The following EDNRB variants were observed in gnomAD, a reference collection of about 807,000 sequenced individuals.
The protein encoded by EDNRB is Hirschsprung disease 2.
In EDNRB, 18 loss-of-function variants were observed where a neutral mutation model predicts 46.4. The ratio of observed to expected loss-of-function variants is 0.39; its 90% CI spans 0.27 to 0.57. EDNRB has a LOEUF of 0.57. Among genes scored for constraint, EDNRB ranks in the 20% least tolerant of loss-of-function variants. EDNRB has a pLI of 0.61. For missense variants in EDNRB, 434 were observed against 537.5 expected (o/e 0.81, Z 1.90); for synonymous variants, 213 against 204.9 (o/e 1.04, Z -0.34).
At chr13:77,948,915 T>A (rs578223970) in intron 1 of EDNRB, among the ~76,000 whole-genome samples, 85 of 152,202 alleles carry the variant, frequency 5.6e-4, no homozygotes, top group Non-Finnish European at 1.2e-3. Context: ...AAAAGATTGC[T>A]GCACTGCTTT....
chr13:77,902,446 C>T (rs1326081405), intron 3 of EDNRB, among the ~76,000 whole-genome samples: 1 of 151,902 alleles, frequency 6.6e-6, no homozygotes, highest in African/African-American at 2.4e-5. Flanking sequence ...GCCTCTATCA[C>T]CTGCTCTTTC....
chr13:77,896,856 T>C lies in EDNRB; in HGVS notation c.*1344A>G. ...ATCCTAAGGCACTTTGCTTAGAAGA[T>C]ATAAAAATTAGGCAGGAACGCACAA... On this transcript the variant is annotated 3_prime_UTR_variant, in exon 7 of 7. Transcript: ENST00000646607. 9.6e-7 allele frequency: 1 copy of C among 1,041,342 alleles called. No individual in the cohort carries two copies. The highest frequency in any genetic ancestry group is 1.2e-6 in the Non-Finnish European group (1 of 867,246). 64.5% of individuals were successfully genotyped at this position (1,041,342 alleles called of 1,614,324 possible).
At chr13:77,899,993 T>C in intron 5 of EDNRB, 26 bp from the exon 6 acceptor site, 2 of 1,588,506 alleles carry the variant, frequency 1.3e-6, no homozygotes, top group South Asian at 2.2e-5. Context: ...CCAAAATGTG[T>C]CTGAAAAATA....
intron 1 of EDNRB, among the ~76,000 whole-genome samples, chr13:77,931,692 T>A (rs571825010): frequency 4.0e-5 from 6 of 151,066 alleles, no homozygotes; most frequent in African/African-American, 1.5e-4. Flanking sequence ...CCAGCCTTTT[T>A]TGAGTCTCAG....
chr13:77,933,394 G>T (rs1025801487), intron 1 of EDNRB, among the ~76,000 whole-genome samples: 6 of 152,150 alleles, frequency 3.9e-5, no homozygotes, highest in Non-Finnish European at 8.8e-5. Flanking sequence ...GTCAAAGGGG[G>T]GTTGTTCTCT....
At chr13:77,970,739 A>G (rs1881705142) in intron 1 of EDNRB, among the ~76,000 whole-genome samples, 1 of 151,524 alleles carries the variant, frequency 6.6e-6, no homozygotes, top group Non-Finnish European at 1.5e-5. Flanking sequence ...CCTGGGCTAC[A>G]TACCTTATAT....
intron 3 of EDNRB, among the ~76,000 whole-genome samples, chr13:77,902,008 T>C (rs777295779): frequency 6.6e-6 from 1 of 151,968 alleles, no homozygotes; most frequent in African/African-American, 2.4e-5. Context: ...ACTCATTCTG[T>C]TGGGAAGAGC....
rs780355308 is a variant in EDNRB at position 77,918,263 on chromosome 13, T to A, written c.311A>T (p.Asn104Ile). The A allele has an allele frequency of 2.2e-5, 35 of 1,614,016 alleles. No individual in the cohort carries two copies. The East Asian group carries it at 7.6e-4, about 35-fold the overall frequency. Residue 104 changes from asparagine (N) to isoleucine (I), a missense_variant, in exon 1 of 7, where the codon AAC becomes ATC. Coordinates refer to ENST00000646607, the MANE Select transcript of EDNRB (RefSeq NM_001122659.3). This position sits in a 1 kb window ranked among gnomAD's most constrained non-coding sequence, Gnocchi z 4.5. Reference protein sequence around the residue: ...IEIKETFKYINTVVSCLVFVL... With the variant: ...IEIKETFKYIITVVSCLVFVL... ...GAACACAAGGCAGGACACAACCGTG[T>A]TGATGTATTTGAAAGTCTCCTTGAT...
At chr13:77,972,109 G>A (rs942159330) in intron 1 of EDNRB, among the ~76,000 whole-genome samples, 1 of 152,216 alleles carries the variant, frequency 6.6e-6, no homozygotes, top group East Asian at 1.9e-4. Context: ...GCCCTTGGGG[G>A]CTGACCCACA....
Position 77,897,233 on chromosome 13 carries a change from C to T in EDNRB, c.*967G>A. 8.1e-6 allele frequency: 8 copies of T among 985,236 alleles called. No homozygotes were observed. Among genetic ancestry groups the T allele is most frequent in the Non-Finnish European group, 9.6e-6 (8 of 829,878 alleles). 61.0% of individuals were successfully genotyped at this position (985,236 alleles called of 1,614,324 possible). On this transcript the variant is annotated 3_prime_UTR_variant, in exon 7 of 7. Coordinates refer to ENST00000646607, the MANE Select transcript of EDNRB (RefSeq NM_001122659.3). Reference sequence around the variant, plus strand: ...AGCACAGGGCCTGCCCTCATTTAATCATCTACATGCAGTGTATGTAGGTAA... The same window carrying T: ...AGCACAGGGCCTGCCCTCATTTAATTATCTACATGCAGTGTATGTAGGTAA...
chr13:77,905,441 G>A (rs1273351909), intron 1 of EDNRB, among the ~76,000 whole-genome samples: 1 of 151,790 alleles, frequency 6.6e-6, no homozygotes, highest in Non-Finnish European at 1.5e-5. Context: ...TGACTTCTGG[G>A]TTAATCAACT....
chr13:77,950,714 G>A (rs912373171), intron 1 of EDNRB, among the ~76,000 whole-genome samples: 4 of 152,182 alleles, frequency 2.6e-5, no homozygotes, highest in African/African-American at 7.2e-5. Flanking sequence ...TTGAAGTGCA[G>A]TATTAAAGAC....
intron 1 of EDNRB, among the ~76,000 whole-genome samples, chr13:77,940,981 A>C (rs1461235261): frequency 6.6e-6 from 1 of 152,216 alleles, no homozygotes; most frequent in Non-Finnish European, 1.5e-5. Context: ...GAATCCTAGA[A>C]ATTTTTGGAA....
intron 1 of EDNRB, among the ~76,000 whole-genome samples, chr13:77,927,243 A>T (rs1880264430): frequency 6.6e-6 from 1 of 152,240 alleles, no homozygotes. Flanking sequence ...TTGAGCCCTC[A>T]GGTCCTAGAT....
chr13:77,904,342 T>A (rs190074194), intron 1 of EDNRB, among the ~76,000 whole-genome samples: 1 of 152,118 alleles, frequency 6.6e-6, no homozygotes, highest in African/African-American at 2.4e-5. Flanking sequence ...TCTCTTTTCC[T>A]TTTTATCCAT....
chr13:77,899,009 T>C (rs994947061), intron 6 of EDNRB, among the ~76,000 whole-genome samples: 4 of 151,986 alleles, frequency 2.6e-5, no homozygotes, highest in Non-Finnish European at 5.9e-5. Context: ...TCTTGAAGTT[T>C]TTTTAAATAT....
rs560280065 is a variant in EDNRB, at chr13:77,934,890, A to C, written c.-51-16266T>G. ...TGCCATCAATAAATCAAGCGTGATC[A>C]GGTTGAGGAACAGGAAAGAAGGAAA... On this transcript the variant is annotated intron_variant, in intron 1 of 7. Coordinates refer to the EDNRB transcript ENST00000646948. Among the ~76,000 whole-genome samples, 405 of 152,192 alleles carry C rather than the reference A, an allele frequency of 2.7e-3. 4 individuals are homozygous for C. The highest frequency in any genetic ancestry group is 9.4e-3 in the African/African-American group (389 of 41,514).
At chr13:77,899,738 TA>T in intron 6 of EDNRB, 120 bp downstream of exon 6, 1 of 747,416 alleles carries the variant, frequency 1.3e-6, no homozygotes, top group Non-Finnish European at 2.2e-6. Context: ...ATCCATGATG[TA>T]ATAAAAGGGA....
intron 1 of EDNRB, among the ~76,000 whole-genome samples, chr13:77,971,320 G>A (rs548335967): frequency 6.6e-6 from 1 of 152,296 alleles, no homozygotes; most frequent in South Asian, 2.1e-4. Flanking sequence ...ACCACAGCAT[G>A]GGAGGACTTT....
Sources: allele counts gnomAD v4.1 joint callset (sites outside exome capture counted in the v4.1 genomes callset), GRCh38; gene constraint gnomAD v4.1.1; non-coding constraint Gnocchi (gnomAD v3.1); transcripts MANE v1.5; gene names NCBI Gene and HGNC (gene_info 2026-07-23, HGNC 2026-07-21).